The following ACADM variants were observed in gnomAD, a reference collection of about 807,000 sequenced individuals.
ACADM encodes the protein acyl-CoA dehydrogenase medium chain, also known as medium-chain specific acyl-CoA dehydrogenase, mitochondrial.
A neutral mutation model predicts 58.9 loss-of-function variants in ACADM; 49 were observed. That is an observed-to-expected ratio of 0.83 (90% CI 0.66 to 1.06). The LOEUF (loss-of-function observed/expected upper bound fraction) is 1.06. Among genes scored for constraint, ACADM ranks in the 50% least tolerant of loss-of-function variants. The pLI is 0.00. For synonymous variants in ACADM, 160 were observed against 157.7 expected (o/e 1.01, Z -0.11); for missense variants, 496 against 507.0 (o/e 0.98, Z 0.21).
At chr1:75,733,342 A>G (rs916404007) in intron 4 of ACADM, 186 bp from the exon 5 acceptor site, 1 of 1,022,294 alleles carries the variant, frequency 9.8e-7, no homozygotes, top group Non-Finnish European at 1.4e-6. Flanking sequence ...TAATTTTTTG[A>G]AAATTTTAGA....
intron 7 of ACADM, chr1:75,744,798 A>G (rs182934384): frequency 5.5e-6 from 3 of 547,930 alleles, no homozygotes; most frequent in African/African-American, 3.8e-5. Context: ...TCTCCGTTTT[A>G]TATTATTCCT....
At chr1:75,751,335 G>A (rs183198386) in intron 10 of ACADM, among the ~76,000 whole-genome samples, 18 of 151,680 alleles carry the variant, frequency 1.2e-4, no homozygotes, top group Middle Eastern at 6.8e-3. Flanking sequence ...GTGAGACTCC[G>A]TCTCAAAAAA....
At chr1:75,730,329 T>A (rs574184659) in intron 2 of ACADM, among the ~76,000 whole-genome samples, 1 of 152,124 alleles carries the variant, frequency 6.6e-6, no homozygotes, top group Non-Finnish European at 1.5e-5. Context: ...GAGTTAGATA[T>A]AATTGTTTGG....
rs2100453178 is a variant in ACADM, at chr1:75,761,229, C to T, written c.1053C>T (p.Thr351=). Residue 351 remains threonine, a synonymous_variant, in exon 11 of 12, where the codon ACC becomes ACT. Coordinates refer to ENST00000370841, the MANE Select transcript of ACADM (RefSeq NM_000016.6). ...AWEVDSGRRN[T]YYASIAKAFA... Reference sequence around the variant, plus strand: ...AGGTTGATTCTGGTCGTCGAAATACCTATTATGCTTCTATTGCAAAGGCAT... The same window carrying T: ...AGGTTGATTCTGGTCGTCGAAATACTTATTATGCTTCTATTGCAAAGGCAT... The T allele has an allele frequency of 6.2e-7, 1 of 1,614,152 alleles. No homozygotes were observed. The highest frequency in any genetic ancestry group is 8.5e-7 in the Non-Finnish European group (1 of 1,180,026).
At chr1:75,744,147 C>T (rs376926855) in intron 7 of ACADM, 3 of 1,576,904 alleles carry the variant, frequency 1.9e-6, no homozygotes, top group Admixed American at 1.7e-5. Flanking sequence ...CCTGGCTCAG[C>T]TAGTGGTGGG....
In ACADM at chr1:75,728,495, G is replaced by A. The variant is rs772778486; in HGVS notation, c.118+7G>A. On this transcript the variant is annotated splice_region_variant and intron_variant, in intron 2 of 11. Coordinates refer to ENST00000370841, the MANE Select transcript of ACADM (RefSeq NM_000016.6). ...GGATTAGGATTTAGTTTTGGTATAT[G>A]TTCGGTTCTATCTTTTGACTTTAAA... The A allele has an allele frequency of 6.3e-7, 1 of 1,599,394 alleles. No individual in the cohort carries two copies.
chr1:75,735,295 G>A (rs1043313103), intron 6 of ACADM, among the ~76,000 whole-genome samples: 16 of 137,124 alleles, frequency 1.2e-4, no homozygotes, highest in African/African-American at 3.0e-4. Flanking sequence ...CTACCTGGGC[G>A]ACAGAGTGAG....
intron 5 of ACADM, 129 bp from the exon 6 acceptor site, chr1:75,734,662 A>G (rs1342761675): frequency 9.9e-6 from 7 of 707,888 alleles, no homozygotes; most frequent in Non-Finnish European, 1.7e-5. Context: ...GAGGCAAGGT[A>G]TAGGCCAGTT....
At chr1:75,754,212 T>C (rs962216619) in intron 10 of ACADM, among the ~76,000 whole-genome samples, 1 of 149,382 alleles carries the variant, frequency 6.7e-6, no homozygotes, top group African/African-American at 2.5e-5. Flanking sequence ...GTTTTTTGTT[T>C]TTTTTTTTTT....
intron 6 of ACADM, among the ~76,000 whole-genome samples, chr1:75,738,441 C>T (rs1009257582): frequency 1.2e-4 from 18 of 151,752 alleles, no homozygotes; most frequent in African/African-American, 4.4e-4. Context: ...AGGCTGGTCT[C>T]GAACTCCTAA....
chr1:75,729,226 A>C (rs1232680586), intron 2 of ACADM, among the ~76,000 whole-genome samples: 1 of 42,814 alleles, frequency 2.3e-5, no homozygotes, highest in African/African-American at 1.0e-4. Context: ...CCTTTTCTTT[A>C]TAAAGGTTTT....
chr1:75,746,810 G>T (rs953893237), intron 8 of ACADM, among the ~76,000 whole-genome samples: 3 of 151,952 alleles, frequency 2.0e-5, no homozygotes, highest in Non-Finnish European at 4.4e-5. Flanking sequence ...TGTTGCCCAG[G>T]CTGGTCTCAG....
At chr1:75,730,605 C>T (rs1478081848) in intron 2 of ACADM, among the ~76,000 whole-genome samples, 1 of 151,342 alleles carries the variant, frequency 6.6e-6, no homozygotes, top group Non-Finnish European at 1.5e-5. Flanking sequence ...CAACCTTGAC[C>T]TCTGGGGCTC....
At chr1:75,729,885 ATTTTTTTT>A (rs551916973) in intron 2 of ACADM, among the ~76,000 whole-genome samples, 24 of 73,880 alleles carry the variant, frequency 3.2e-4, no homozygotes, top group African/African-American at 1.3e-3. Flanking sequence ...GGGATGGTGG[ATTTTTTTT>A]TTTTTTTTTT....
intron 3 of ACADM, 22 bp downstream of exon 3, chr1:75,732,763 A>C: frequency 6.2e-7 from 1 of 1,608,184 alleles, no homozygotes; most frequent in Middle Eastern, 1.7e-4. Flanking sequence ...CATTTTAAAG[A>C]GGGAAAAATC....
chr1:75,744,846 A>G (rs963768596), intron 7 of ACADM: 9 of 448,878 alleles, frequency 2.0e-5, no homozygotes, highest in African/African-American at 6.0e-5. Flanking sequence ...TTTTCAAGAT[A>G]GCATGCCCCT....
chr1:75,758,817 C>T (rs1340089432), intron 10 of ACADM, among the ~76,000 whole-genome samples: 1 of 152,168 alleles, frequency 6.6e-6, no homozygotes, highest in Non-Finnish European at 1.5e-5. Context: ...GACCAACCAG[C>T]ACTCTGTAAA....
chr1:75,761,927 G>C (rs1648881715), intron 11 of ACADM, among the ~76,000 whole-genome samples: 1 of 152,132 alleles, frequency 6.6e-6, no homozygotes, highest in African/African-American at 2.4e-5. Flanking sequence ...CTCTTCCCTT[G>C]TTCCCCCTAC....
At chr1:75,755,965 A>G (rs1297329351) in intron 10 of ACADM, among the ~76,000 whole-genome samples, 4 of 152,234 alleles carry the variant, frequency 2.6e-5, no homozygotes, top group Non-Finnish European at 5.9e-5. Flanking sequence ...ACCAACGACA[A>G]AAACTTATGA....
Sources: allele counts gnomAD v4.1 joint callset (sites outside exome capture counted in the v4.1 genomes callset), GRCh38; gene constraint gnomAD v4.1.1; transcripts MANE v1.5; gene names NCBI Gene and HGNC (gene_info 2026-07-23, HGNC 2026-07-21).